NR1D2: variants seen among roughly 807,000 people sequenced by gnomAD.
NR1D2 encodes nuclear receptor subfamily 1 group D member 2.
Under a neutral mutation model 52.2 loss-of-function variants are expected in NR1D2, and 25 were observed. That is an observed-to-expected ratio of 0.48 (90% confidence interval 0.35 to 0.67). The LOEUF is 0.67. NR1D2 is among the 30% of genes least tolerant of loss of function. NR1D2 has a pLI of 0.01. For missense variants in NR1D2, 681 were observed against 707.2 expected, an observed-to-expected ratio of 0.96 and a Z score of 0.42; for synonymous variants, 259 against 230.1, an observed-to-expected ratio of 1.13 and a Z score of -1.14.
intron 4 of NR1D2, chr3:23,960,067 C>A (rs541206044): frequency 4.4e-5 from 13 of 294,050 alleles, no homozygotes; most frequent in Admixed American, 2.0e-4. Context: ...TTTTTCTGTG[C>A]AATTTGATTA....
In NR1D2 at chr3:23,945,570, G is replaced by C. The variant is rs1235481941; in HGVS notation, c.-9G>C. On this transcript the variant is annotated 5_prime_UTR_variant, in exon 1 of 8. Transcript: ENST00000312521. Reference sequence around the variant, plus strand: ...AGCGGGCGGCCCCGGCCGCCTCCGCGAGGGCACCATGGAGGTGAATGCAGG... The same window carrying C: ...AGCGGGCGGCCCCGGCCGCCTCCGCCAGGGCACCATGGAGGTGAATGCAGG... 2.6e-6 allele frequency: 3 copies of C among 1,168,530 alleles called. No homozygotes were observed. Among genetic ancestry groups the C allele is most frequent in the Non-Finnish European group, 3.2e-6 (3 of 940,106 alleles). The allele number at this position is 1,168,530 out of a possible 1,614,324, so 72.4% of individuals were successfully genotyped here.
At chr3:23,973,769 A>T (rs1164909726) in intron 7 of NR1D2, among the ~76,000 whole-genome samples, 1 of 152,212 alleles carries the variant, frequency 6.6e-6, no homozygotes, top group Non-Finnish European at 1.5e-5. Context: ...GCTTAAAACA[A>T]CACATTGTAC....
intron 3 of NR1D2, among the ~76,000 whole-genome samples, chr3:23,957,134 C>T (rs1469565448): frequency 2.6e-5 from 4 of 151,972 alleles, no homozygotes; most frequent in Admixed American, 1.3e-4. Flanking sequence ...AGGCACACGC[C>T]ACCACTCCAG....
chr3:23,967,709 C>CTTTTATAACTTTT, intron 6 of NR1D2, 104 bp from the exon 7 acceptor site: 1 of 846,934 alleles, frequency 1.2e-6, no homozygotes, highest in Non-Finnish European at 1.8e-6. Context: ...TTATAACTTT[C>CTTTTATAACTTTT]TTTTATATGT....
chr3:23,945,754 C>A (rs1705655937), intron 1 of NR1D2, among the ~76,000 whole-genome samples, 160 bp downstream of exon 1: 1 of 150,346 alleles, frequency 6.7e-6, no homozygotes, highest in Non-Finnish European at 1.5e-5. Flanking sequence ...CCCATCGCCC[C>A]CCGGGCCGCC....
chr3:23,948,002 C>T (rs1036685058), intron 1 of NR1D2, among the ~76,000 whole-genome samples: 22 of 151,926 alleles, frequency 1.4e-4, no homozygotes, highest in Non-Finnish European at 2.4e-4. Flanking sequence ...CCTGTAATCC[C>T]AGCTACTTAT....
At chr3:23,965,802 ACCT>A (rs1706429254) in intron 6 of NR1D2, among the ~76,000 whole-genome samples, 1 of 152,132 alleles carries the variant, frequency 6.6e-6, no homozygotes, top group African/African-American at 2.4e-5. Context: ...AGTGTTAGAC[ACCT>A]CCTGAAAGCC....
chr3:23,972,235 C>T (rs530402956), intron 7 of NR1D2, among the ~76,000 whole-genome samples: 4 of 152,238 alleles, frequency 2.6e-5, no homozygotes, highest in Admixed American at 2.6e-4. Flanking sequence ...GTTATACAGA[C>T]AAGGGATTTG....
chr3:23,952,124 T>A (rs537842624), intron 1 of NR1D2, among the ~76,000 whole-genome samples: 38 of 152,310 alleles, frequency 2.5e-4, no homozygotes, highest in African/African-American at 8.9e-4. Flanking sequence ...TCTAACAGAT[T>A]CTGGGTGATA....
intron 3 of NR1D2, among the ~76,000 whole-genome samples, chr3:23,958,126 C>G (rs1706134660): frequency 6.6e-6 from 1 of 152,162 alleles, no homozygotes; most frequent in Non-Finnish European, 1.5e-5. Context: ...TGTTTGTAGC[C>G]ATCTAGTTGG....
rs1198242092 is a variant in NR1D2, at chr3:23,977,897, C to T, written c.*478C>T. ...GGAGATCTCCATGTCTGTATTTACT[C>T]TACCACTGCTAAAGTGTGTGGTCCT... On this transcript the variant is annotated 3_prime_UTR_variant, in exon 8 of 8. Transcript: ENST00000312521. 1 of 150,948 alleles carries T rather than the reference C, an allele frequency of 6.6e-6. No individual in the cohort carries two copies. Among genetic ancestry groups the T allele is most frequent in the Non-Finnish European group, 1.5e-5 (1 of 68,148 alleles). 9.4% of individuals were successfully genotyped at this position (150,948 alleles called of 1,614,324 possible). A position where few individuals can be genotyped will look rare whatever the true frequency, so the allele number is the denominator to read the frequency against.
At chr3:23,952,065 T>A (rs549365891) in intron 1 of NR1D2, among the ~76,000 whole-genome samples, 2 of 152,342 alleles carry the variant, frequency 1.3e-5, no homozygotes, top group East Asian at 3.9e-4. Context: ...GAGGGCTTAT[T>A]AAAGTTTCTG....
chr3:23,953,894 C>T (rs1016686358), intron 1 of NR1D2, among the ~76,000 whole-genome samples: 13 of 152,208 alleles, frequency 8.5e-5, no homozygotes, highest in Non-Finnish European at 1.6e-4. Context: ...AATGAAGTTA[C>T]TTAGGAGCAT....
chr3:23,952,540 T>C (rs935838058), intron 1 of NR1D2, among the ~76,000 whole-genome samples: 1 of 151,300 alleles, frequency 6.6e-6, no homozygotes, highest in Non-Finnish European at 1.5e-5. Flanking sequence ...TGAAACCCTG[T>C]CTCTACTAAA....
intron 3 of NR1D2, among the ~76,000 whole-genome samples, chr3:23,958,179 G>A (rs572272823): frequency 6.6e-6 from 1 of 152,242 alleles, no homozygotes; most frequent in South Asian, 2.1e-4. Context: ...GTTGGTGTGT[G>A]GTGTAACACT....
rs191382427 is a variant in NR1D2, at chr3:23,948,570, A to G, written c.16+2976A>G. ...ACCATTCTGTTGGAACTCTTCTAGT[A>G]TAATGATGACAAAAAAATAATCATC... On this transcript the variant is annotated intron_variant, in intron 1 of 7. Coordinates refer to ENST00000312521, the MANE Select transcript of NR1D2 (RefSeq NM_005126.5). Among the ~76,000 whole-genome samples the G allele has an allele frequency of 1.1e-4, 16 of 152,286 alleles. No homozygotes were observed. In the South Asian group the frequency reaches 1.4e-3, roughly 14 times the overall value.
chr3:23,954,506 C>A lies in NR1D2; in HGVS notation c.17-31C>A, dbSNP rs749312769. On this transcript the variant is annotated intron_variant, in intron 1 of 7. Coordinates refer to ENST00000312521, the MANE Select transcript of NR1D2 (RefSeq NM_005126.5). ...ATAAAAAATACGTATTATCTTGTAT[C>A]TAATTATGTGATTTTCCTCCTATTT... 6.9e-6 allele frequency: 11 copies of A among 1,589,494 alleles called. No individual in the cohort carries two copies. In the African/African-American group the frequency reaches 1.5e-4, roughly 21 times the overall value.
chr3:23,962,439 T>A lies in NR1D2; in HGVS notation c.980T>A (p.Ile327Lys). ...AATGGACAGTTCAAAGGGAGGAATA[T>A]AATGCATTACCCAAATGGTCATGCC... The part of the protein sequence containing the change: ...HLNGQFKGRN[I>K]MHYPNGHAIC... Residue 327 changes from isoleucine (I) to lysine (K), a missense_variant, in exon 5 of 8, where the codon ATA becomes AAA. Ile to Lys is a moderately radical substitution (Grantham distance 102). This residue lies in a region of NR1D2 where 475 missense variants were observed against 454.5 expected (regional missense o/e 1.05). Transcript: ENST00000312521. 2 of 1,614,176 alleles carry A rather than the reference T, an allele frequency of 1.2e-6. No individual in the cohort carries two copies. Among genetic ancestry groups the A allele is most frequent in the African/African-American group, 1.3e-5 (1 of 75,054 alleles).
At chr3:23,969,655 G>A (rs1287837632) in intron 7 of NR1D2, among the ~76,000 whole-genome samples, 1 of 152,184 alleles carries the variant, frequency 6.6e-6, no homozygotes, top group Non-Finnish European at 1.5e-5. Flanking sequence ...TACCTATTAG[G>A]TGCTCAGGGG....
Sources: gnomAD v4.1 joint callset for allele counts (sites outside exome capture counted in the v4.1 genomes callset) on GRCh38, gnomAD v4.1.1 for gene constraint, gnomAD v4.1.1 regional missense constraint, MANE v1.5 for transcripts, NCBI Gene and HGNC (gene_info 2026-07-23, HGNC 2026-07-21) for gene names.